The following GALNT13 variants were observed in gnomAD, a reference collection of about 807,000 sequenced individuals.
GALNT13 encodes UDP-GalNAc:polypeptide N-acetylgalactosaminyltransferase 13.
Under a neutral mutation model 64.2 loss-of-function variants are expected in GALNT13, and 28 were observed. That is an observed-to-expected ratio of 0.44 (90% CI 0.32 to 0.60). GALNT13 has a LOEUF of 0.60. GALNT13 is among the 20% of genes least tolerant of loss of function. The pLI, the probability that GALNT13 is intolerant of heterozygous loss-of-function variation, is 0.05. For missense variants in GALNT13, 577 were observed against 669.8 expected, an observed-to-expected ratio of 0.86 and a Z score of 1.53; for synonymous variants, 214 against 224.6, an observed-to-expected ratio of 0.95 and a Z score of 0.42.
the GALNT13 span, among the ~76,000 whole-genome samples, chr2:153,750,820 G>A: frequency 5.6e-4 from 85 of 150,912 alleles, no homozygotes; most frequent in African/African-American, 1.5e-3. Flanking sequence ...ATTTATTTCC[G>A]CTCTGATCTT....
At chr2:153,944,786 G>C in intron 3 of GALNT13, 147 bp downstream of exon 3, 1 of 606,956 alleles carries the variant, frequency 1.6e-6, no homozygotes, top group African/African-American at 1.9e-5. Flanking sequence ...TTTAACCATG[G>C]GGAAGTTACT....
chr2:154,221,492 A>G (rs1026650356), intron 4 of GALNT13, among the ~76,000 whole-genome samples: 2 of 152,086 alleles, frequency 1.3e-5, no homozygotes, highest in African/African-American at 4.8e-5. Context: ...GTTCCCTAAA[A>G]TTAGAATCTG....
chr2:154,030,716 G>A (rs1263472437), intron 3 of GALNT13, among the ~76,000 whole-genome samples: 3 of 152,064 alleles, frequency 2.0e-5, no homozygotes, highest in Non-Finnish European at 4.4e-5. Flanking sequence ...GAGTTCTCAT[G>A]ACATCTGGCT....
chr2:153,392,289 A>C, the GALNT13 span, among the ~76,000 whole-genome samples: 1 of 151,600 alleles, frequency 6.6e-6, no homozygotes, highest in Non-Finnish European at 1.5e-5. Flanking sequence ...GAAGTGCTTA[A>C]ATTTACCGTC....
At chr2:154,033,616 C>T (rs1400252700) in intron 3 of GALNT13, among the ~76,000 whole-genome samples, 3 of 152,078 alleles carry the variant, frequency 2.0e-5, no homozygotes, top group Non-Finnish European at 4.4e-5. Flanking sequence ...AAATGAGATA[C>T]CACTACACAC....
At chr2:153,327,006 C>T in the GALNT13 span, among the ~76,000 whole-genome samples, 1 of 152,076 alleles carries the variant, frequency 6.6e-6, no homozygotes. Flanking sequence ...ATCGCTTGAA[C>T]CCAGGAGGCA....
chr2:153,720,478 TGA>T, the GALNT13 span, among the ~76,000 whole-genome samples: 14,728 of 151,352 alleles, frequency 0.097, 1,031 homozygotes, highest in Admixed American at 0.19. Flanking sequence ...TTTGACGAGC[TGA>T]GAGAGGAAGG....
At chr2:153,640,321 G>T in the GALNT13 span, among the ~76,000 whole-genome samples, 1 of 152,108 alleles carries the variant, frequency 6.6e-6, no homozygotes, top group Non-Finnish European at 1.5e-5. Flanking sequence ...GAGATCAGAG[G>T]CCATATGAGA....
chr2:154,415,119 G>A lies in GALNT13; in HGVS notation c.1395+6037G>A, dbSNP rs192754688. On this transcript the variant is annotated intron_variant, in intron 11 of 12. Transcript: ENST00000392825. ...GTTTGAGTCCAGCCTGGGAAATGTA[G>A]CAAAACCCCATCTCTAGAAAAAAAA... Among the ~76,000 whole-genome samples, 2 of 146,972 alleles carry A rather than the reference G, an allele frequency of 1.4e-5. 1 individual carries two copies. Among genetic ancestry groups the A allele is most frequent in the Admixed American group, 1.4e-4 (2 of 14,626 alleles).
chr2:153,632,173 C>T, the GALNT13 span, among the ~76,000 whole-genome samples: 2 of 152,050 alleles, frequency 1.3e-5, no homozygotes, highest in African/African-American at 4.8e-5. Context: ...GTCTTTACTA[C>T]AAGTTTTTTC....
At chr2:153,745,241 G>A in the GALNT13 span, among the ~76,000 whole-genome samples, 3 of 152,118 alleles carry the variant, frequency 2.0e-5, no homozygotes, top group African/African-American at 7.2e-5. Flanking sequence ...ATGAAGAAGC[G>A]AGAGCTGGTT....
chr2:153,371,668 A>G, the GALNT13 span, among the ~76,000 whole-genome samples: 1 of 152,226 alleles, frequency 6.6e-6, no homozygotes, highest in South Asian at 2.1e-4. Context: ...ATTGAGAGAT[A>G]CACCATGTTC....
At chr2:153,582,019 G>A in the GALNT13 span, among the ~76,000 whole-genome samples, 1 of 152,108 alleles carries the variant, frequency 6.6e-6, no homozygotes, top group Non-Finnish European at 1.5e-5. Flanking sequence ...ATAAGGCAAA[G>A]CAGAGATTCA....
the GALNT13 span, among the ~76,000 whole-genome samples, chr2:153,685,263 CCCA>C: frequency 6.6e-6 from 1 of 152,028 alleles, no homozygotes; most frequent in East Asian, 1.9e-4. Flanking sequence ...AAATTACATT[CCCA>C]CCAACAGTAT....
At chr2:153,251,768 A>C in the GALNT13 span, among the ~76,000 whole-genome samples, 7 of 151,366 alleles carry the variant, frequency 4.6e-5, no homozygotes, top group African/African-American at 1.7e-4. Context: ...ATGATTTCCA[A>C]TTTCATCCAT....
At chr2:153,701,538 A>C in the GALNT13 span, among the ~76,000 whole-genome samples, 1 of 152,248 alleles carries the variant, frequency 6.6e-6, no homozygotes, top group Admixed American at 6.5e-5. Context: ...AAAAGAAACT[A>C]TCAACAGAGT....
chr2:154,061,477 T>A (rs1228991623), intron 3 of GALNT13, among the ~76,000 whole-genome samples: 1 of 152,232 alleles, frequency 6.6e-6, no homozygotes, highest in South Asian at 2.1e-4. Context: ...TTAATTTTTA[T>A]TCATCATTCT....
chr2:154,326,228 T>G (rs773224127), intron 9 of GALNT13, among the ~76,000 whole-genome samples: 2 of 152,002 alleles, frequency 1.3e-5, no homozygotes, highest in Non-Finnish European at 2.9e-5. Context: ...CCTTCTGGCC[T>G]CTGTAATAAA....
chr2:153,986,109 G>A (rs1414226319), intron 3 of GALNT13, among the ~76,000 whole-genome samples: 1 of 152,014 alleles, frequency 6.6e-6, no homozygotes, highest in African/African-American at 2.4e-5. Flanking sequence ...TAAAAAGACT[G>A]TAACTCTGTG....
Sources: allele counts gnomAD v4.1 joint callset (sites outside exome capture counted in the v4.1 genomes callset), GRCh38; gene constraint gnomAD v4.1.1; transcripts MANE v1.5; gene names NCBI Gene and HGNC (gene_info 2026-07-23, HGNC 2026-07-21).